Variants in RALYL observed in about 807,000 individuals in gnomAD.
RALYL encodes the protein RALY RNA binding protein like.
A neutral mutation model predicts 35.1 loss-of-function variants in RALYL; 29 were observed. That is an observed-to-expected ratio of 0.83 (90% CI 0.61 to 1.13). The LOEUF is 1.13. RALYL is among the 50% of genes most tolerant of loss of function. RALYL has a pLI of 0.00. For missense variants in RALYL, 359 were observed against 360.4 expected (o/e 1.00, Z 0.03); for synonymous variants, 120 against 127.6 (o/e 0.94, Z 0.40).
intron 1 of RALYL, among the ~76,000 whole-genome samples, chr8:84,472,552 A>C (rs1032340200): frequency 6.6e-6 from 1 of 152,196 alleles, no homozygotes; most frequent in Non-Finnish European, 1.5e-5. Context: ...TTTCACTGGA[A>C]TACATAAAGT....
intron 2 of RALYL, among the ~76,000 whole-genome samples, chr8:84,691,936 T>C (rs982631740): frequency 1.3e-5 from 2 of 152,022 alleles, no homozygotes; most frequent in African/African-American, 4.8e-5. Context: ...AATGCAGATA[T>C]GGTAAAACAT....
intron 1 of RALYL, among the ~76,000 whole-genome samples, chr8:84,329,218 C>T (rs1162339364): frequency 6.6e-6 from 1 of 152,134 alleles, no homozygotes; most frequent in Non-Finnish European, 1.5e-5. Context: ...TTTACATTCC[C>T]ACCAACAGTA....
rs554631597 is a variant in RALYL at position 84,436,649 on chromosome 8, A to G, written c.-23-92650A>G. Among the ~76,000 whole-genome samples the G allele has an allele frequency of 1.7e-3, 246 of 144,134 alleles. 1 individual carries two copies. Among genetic ancestry groups the G allele is most frequent in the Middle Eastern group, 3.8e-3 (1 of 260 alleles). 94.6% of individuals were successfully genotyped at this position (144,134 alleles called of 152,430 possible). A position where few individuals can be genotyped will look rare whatever the true frequency, so the allele number is the denominator to read the frequency against. ...CTTGGAACATTTTAACTTAGTTTCT[A>G]AAACAGCTTTATTGGGGTATAATTG... On this transcript the variant is annotated intron_variant, in intron 1 of 8. Coordinates refer to ENST00000521268, the MANE Select transcript of RALYL (RefSeq NM_173848.7).
intron 8 of RALYL, among the ~76,000 whole-genome samples, chr8:84,907,679 T>C (rs1027257653): frequency 5.0e-4 from 76 of 152,148 alleles, no homozygotes; most frequent in African/African-American, 1.8e-3. Context: ...TAGTACCCTT[T>C]TGGTTTGTGC....
intron 2 of RALYL, among the ~76,000 whole-genome samples, chr8:84,762,708 A>T (rs1292248186): frequency 2.0e-5 from 3 of 152,158 alleles, no homozygotes; most frequent in African/African-American, 7.2e-5. Context: ...GAACTTCAAT[A>T]TCTATAACTG....
At chr8:84,476,759 G>A (rs2053470166) in intron 1 of RALYL, among the ~76,000 whole-genome samples, 2 of 152,206 alleles carry the variant, frequency 1.3e-5, no homozygotes, top group South Asian at 4.1e-4. Flanking sequence ...TAGGGGAAAT[G>A]TTGGTCCTAT....
At chr8:84,344,590 A>G (rs984180044) in intron 1 of RALYL, among the ~76,000 whole-genome samples, 2 of 152,090 alleles carry the variant, frequency 1.3e-5, no homozygotes, top group African/African-American at 4.8e-5. Flanking sequence ...GTACAGAGTT[A>G]TGATATATGT....
At chr8:84,454,389 A>G (rs1022933865) in intron 1 of RALYL, among the ~76,000 whole-genome samples, 4 of 151,924 alleles carry the variant, frequency 2.6e-5, no homozygotes, top group Non-Finnish European at 4.4e-5. Context: ...ATACATGCAC[A>G]CTGCTATACA....
chr8:84,436,718 T>G (rs985980500), intron 1 of RALYL, among the ~76,000 whole-genome samples: 1 of 151,416 alleles, frequency 6.6e-6, no homozygotes, highest in African/African-American at 2.4e-5. Context: ...ATTTGATGAG[T>G]TTGAACATAC....
chr8:84,715,499 A>C (rs893856112), intron 2 of RALYL, among the ~76,000 whole-genome samples: 3 of 152,030 alleles, frequency 2.0e-5, no homozygotes, highest in African/African-American at 7.2e-5. Flanking sequence ...TATAAGTTTT[A>C]CCAATATCCC....
At chr8:84,337,066 A>C (rs1223245293) in intron 1 of RALYL, among the ~76,000 whole-genome samples, 2 of 150,728 alleles carry the variant, frequency 1.3e-5, no homozygotes, top group East Asian at 3.9e-4. Flanking sequence ...TTAGTATAAC[A>C]GTTGGTTATG....
At chr8:84,202,791 A>G (rs1563524428) in intron 1 of RALYL, among the ~76,000 whole-genome samples, 1 of 152,148 alleles carries the variant, frequency 6.6e-6, no homozygotes, top group Non-Finnish European at 1.5e-5. Flanking sequence ...TAGGCATGAC[A>G]TTTTGAACAT....
intron 2 of RALYL, among the ~76,000 whole-genome samples, chr8:84,584,600 T>TC: frequency 8.2e-6 from 1 of 122,650 alleles, no homozygotes; most frequent in South Asian, 2.5e-4. Context: ...AGACTCTGTC[T>TC]CAAAAAAAAA....
At chr8:84,895,054 A>G (rs1844493173) in intron 8 of RALYL, among the ~76,000 whole-genome samples, 1 of 152,184 alleles carries the variant, frequency 6.6e-6, no homozygotes, top group Non-Finnish European at 1.5e-5. Flanking sequence ...AATGTCTAAA[A>G]GGCACATGCT....
intron 1 of RALYL, among the ~76,000 whole-genome samples, chr8:84,330,053 A>T (rs2130675139): frequency 6.6e-6 from 1 of 152,148 alleles, no homozygotes; most frequent in African/African-American, 2.4e-5. Context: ...AAAAATGTGT[A>T]TCTCAATTGA....
chr8:84,644,083 G>C (rs1228500761), intron 2 of RALYL, among the ~76,000 whole-genome samples: 2 of 151,972 alleles, frequency 1.3e-5, no homozygotes, highest in Non-Finnish European at 2.9e-5. Flanking sequence ...TGGTGTAAGG[G>C]AGTGTATGGT....
intron 1 of RALYL, among the ~76,000 whole-genome samples, chr8:84,352,733 T>G (rs941422101): frequency 6.7e-6 from 1 of 150,332 alleles, no homozygotes; most frequent in Non-Finnish European, 1.5e-5. Flanking sequence ...TACAATCCTG[T>G]GGGTTAGCTA....
intron 8 of RALYL, among the ~76,000 whole-genome samples, chr8:84,904,894 C>A (rs1846236263): frequency 6.6e-6 from 1 of 151,980 alleles, no homozygotes. Flanking sequence ...TATGACTTAA[C>A]TGTTTAGTTT....
At chr8:84,596,170 T>C (rs1440766389) in intron 2 of RALYL, among the ~76,000 whole-genome samples, 5 of 152,162 alleles carry the variant, frequency 3.3e-5, no homozygotes, top group Admixed American at 2.6e-4. Flanking sequence ...GGGTTTTTGG[T>C]TCTACATAAA....
Sources: gnomAD v4.1 joint callset for allele counts (sites outside exome capture counted in the v4.1 genomes callset) on GRCh38, gnomAD v4.1.1 for gene constraint, MANE v1.5 for transcripts, NCBI Gene and HGNC (gene_info 2026-07-23, HGNC 2026-07-21) for gene names.